REXO5: variants seen among roughly 807,000 people sequenced by gnomAD.
The protein encoded by REXO5 is exonuclease NEF-sp.
In REXO5, 48 loss-of-function variants were observed where a neutral mutation model predicts 88.5. The ratio of observed to expected loss-of-function variants is 0.54; its 90% CI spans 0.43 to 0.69. REXO5 has a LOEUF of 0.69. REXO5 is among the 30% of genes least tolerant of loss of function. The probability of loss-of-function intolerance (pLI) is 0.00; values close to 1 mark genes in which losing one functional copy is unlikely to be tolerated. For synonymous variants in REXO5, 311 were observed against 336.5 expected (o/e 0.92, Z 0.83); for missense variants, 749 against 912.2 (o/e 0.82, Z 2.30).
At chr16:20,839,260 T>A (rs1349389625) in intron 13 of REXO5, among the ~76,000 whole-genome samples, 2 of 152,238 alleles carry the variant, frequency 1.3e-5, no homozygotes, top group Non-Finnish European at 2.9e-5. Context: ...TTGCTTGTAG[T>A]CAAGTGCTGA....
chr16:20,849,664 T>C lies in REXO5; in HGVS notation c.*184T>C, dbSNP rs1596622491. The C allele has an allele frequency of 5.0e-6, 3 of 600,364 alleles. No homozygotes were observed. The highest frequency in any genetic ancestry group is 2.0e-5 in the South Asian group (1 of 50,708). 37.2% of individuals were successfully genotyped at this position (600,364 alleles called of 1,614,324 possible). On this transcript the variant is annotated 3_prime_UTR_variant, in exon 20 of 20. Coordinates refer to ENST00000261377, the MANE Select transcript of REXO5 (RefSeq NM_030941.3). ...TCAATAAATGCCTAAAGTTCAAGCA[T>C]AGTATGGGGATGTCCACAGATTGTT...
chr16:20,816,144 A>G lies in REXO5; in HGVS notation c.407A>G (p.Asp136Gly). The change falls in exon 5 of 20, where the codon GAT becomes GGT. Residue 136 changes from aspartate to glycine, a missense_variant. Transcript: ENST00000261377. ...TTCCGCTTGCCTCCACCATCATCTG[A>G]TTTTCTAGCTGATGTTGTTGGGCTA... ...HKFRLPPPSS[D>G]FLADVVGLQT... 6.2e-7 allele frequency: 1 copy of G among 1,613,946 alleles called. No individual in the cohort carries two copies. Among genetic ancestry groups the G allele is most frequent in the Admixed American group, 1.7e-5 (1 of 60,000 alleles).
At chr16:20,844,241 G>A (rs958478590) in intron 16 of REXO5, among the ~76,000 whole-genome samples, 7 of 152,228 alleles carry the variant, frequency 4.6e-5, no homozygotes, top group Middle Eastern at 3.4e-3. Flanking sequence ...GCTAGATTTG[G>A]GTCTTCCTTG....
At chr16:20,820,540 ATATATTTTTTTTTTTTTTTTTTTTT>A (rs2081165475) in intron 5 of REXO5, among the ~76,000 whole-genome samples, 2 of 10,222 alleles carry the variant, frequency 2.0e-4, no homozygotes, top group South Asian at 0.014. Context: ...ATATATATAT[ATATATTTTTTTTTTTTTTTTTTTTT>A]TTTTTTTTTT....
chr16:20,807,401 A>C (rs1319060275), intron 2 of REXO5: 1 of 308,194 alleles, frequency 3.2e-6, no homozygotes, highest in Non-Finnish European at 6.2e-6. Flanking sequence ...ACATGGAGAA[A>C]TCCCCGTCTC....
chr16:20,832,348 T>C (rs909708579), intron 12 of REXO5, 89 bp downstream of exon 12: 2 of 821,380 alleles, frequency 2.4e-6, no homozygotes, highest in Admixed American at 3.2e-5. Context: ...TTATCCTCTT[T>C]TGAGTCTATT....
intron 7 of REXO5, 36 bp downstream of exon 7, chr16:20,824,563 G>C: frequency 8.1e-7 from 1 of 1,233,668 alleles, no homozygotes; most frequent in Non-Finnish European, 1.2e-6. Flanking sequence ...TTGGAGTGTT[G>C]CAAGCTGAGG....
Position 20,815,025 on chromosome 16 carries a change from T to G in REXO5, c.350T>G (p.Phe117Cys). The change falls in exon 4 of 20, where the codon TTT becomes TGT. Residue 117 changes from phenylalanine to cysteine, a missense_variant. Physicochemically the swap from Phe to Cys is radical, Grantham distance 205. Coordinates refer to ENST00000261377, the MANE Select transcript of REXO5 (RefSeq NM_030941.3). ...QLHFYRFYLE[F>C]GCLRKAFRHK... is the part of the protein sequence containing the mutation. ...CACTTTTACAGGTTCTATTTGGAGT[T>G]TGGATGTCTTCGAAAAGCATTCAGA... The G allele has an allele frequency of 6.2e-7, 1 of 1,613,390 alleles. No individual in the cohort carries two copies. Among genetic ancestry groups the G allele is most frequent in the Non-Finnish European group, 8.5e-7 (1 of 1,179,890 alleles).
chr16:20,810,036 T>C (rs2080972403), intron 2 of REXO5, among the ~76,000 whole-genome samples: 1 of 152,252 alleles, frequency 6.6e-6, no homozygotes. Context: ...CCTTTTGACA[T>C]GACAACATCA....
intron 2 of REXO5, among the ~76,000 whole-genome samples, chr16:20,808,156 C>G (rs902146077): frequency 2.0e-5 from 3 of 152,214 alleles, no homozygotes; most frequent in African/African-American, 7.2e-5. Flanking sequence ...ACCATCCCCC[C>G]AGCCCTTCTC....
rs919927351 is a variant in REXO5, at chr16:20,844,948, A to G, written c.1936+103A>G. The G allele has an allele frequency of 4.4e-5, 68 of 1,529,438 alleles. 1 individual carries two copies. In the Middle Eastern group the frequency reaches 6.3e-4, roughly 14 times the overall value. The allele number at this position is 1,529,438 out of a possible 1,614,324, so 94.7% of individuals were successfully genotyped here. On this transcript the variant is annotated intron_variant, in intron 17 of 19. Coordinates refer to ENST00000261377, the MANE Select transcript of REXO5 (RefSeq NM_030941.3). ...TTCACCTCCTGGGCTGGACCAGGGCAGCAGTTCCTGATTCTGTCCTTCTCC... is the reference window on the plus strand; with the variant it reads ...TTCACCTCCTGGGCTGGACCAGGGCGGCAGTTCCTGATTCTGTCCTTCTCC...
chr16:20,844,771 T>C lies in REXO5; in HGVS notation c.1862T>C (p.Leu621Pro). Reference protein sequence around the residue: ...FKEQLLQEPRLFLGLEAVILP... With the variant: ...FKEQLLQEPRPFLGLEAVILP... ...GAACAGCTATTGCAGGAGCCCCGCCTCTTTCTTGGCCTGGAAGCTGTGATC... is the reference window on the plus strand; with the variant it reads ...GAACAGCTATTGCAGGAGCCCCGCCCCTTTCTTGGCCTGGAAGCTGTGATC... Residue 621 changes from leucine to proline, a missense_variant, in exon 17 of 20, where the codon CTC (leucine) becomes CCC (proline). Coordinates refer to ENST00000261377, the MANE Select transcript of REXO5 (RefSeq NM_030941.3). The C allele has an allele frequency of 2.5e-6, 4 of 1,614,206 alleles. No individual in the cohort carries two copies. The South Asian group carries it at 4.4e-5, about 18-fold the overall frequency.
Position 20,813,171 on chromosome 16 carries a change from C to T in REXO5, c.139-19C>T. 1 of 1,514,408 alleles carries T rather than the reference C, an allele frequency of 6.6e-7. No individual in the cohort carries two copies. Among genetic ancestry groups the T allele is most frequent in the Non-Finnish European group, 9.2e-7 (1 of 1,089,368 alleles). The allele number at this position is 1,514,408 out of a possible 1,614,324, so 93.8% of individuals were successfully genotyped here. A position where few individuals can be genotyped will look rare whatever the true frequency, so the allele number is the denominator to read the frequency against. ...TGATAACCAATAATGGCTTGCTACGCCCTGATTAATCTTTGCAGAAAGCCC... is the reference window on the plus strand; with the variant it reads ...TGATAACCAATAATGGCTTGCTACGTCCTGATTAATCTTTGCAGAAAGCCC... On this transcript the variant is annotated intron_variant, in intron 2 of 19. Transcript: ENST00000261377.
chr16:20,820,623 G>C (rs1202796149), intron 5 of REXO5, among the ~76,000 whole-genome samples: 2 of 121,662 alleles, frequency 1.6e-5, no homozygotes, highest in African/African-American at 6.4e-5. Flanking sequence ...GAGTGCAGTG[G>C]CACAATCTCT....
intron 15 of REXO5, 130 bp downstream of exon 15, chr16:20,840,598 T>C: frequency 1.4e-6 from 1 of 715,592 alleles, no homozygotes; most frequent in East Asian, 2.6e-5. Context: ...TGAGACATAC[T>C]CTAATGAGAG....
At chr16:20,809,504 T>G (rs1013356040) in intron 2 of REXO5, among the ~76,000 whole-genome samples, 2 of 152,260 alleles carry the variant, frequency 1.3e-5, no homozygotes, top group Non-Finnish European at 2.9e-5. Context: ...TGAATAATCC[T>G]GGGCCAATTA....
Position 20,844,601 on chromosome 16 carries a change from A to G in REXO5, c.1720-28A>G, listed in dbSNP as rs767318931. 6.2e-6 allele frequency: 10 copies of G among 1,602,342 alleles called. No homozygotes were observed. The South Asian group carries it at 1.1e-4, about 18-fold the overall frequency. On this transcript the variant is annotated intron_variant, in intron 16 of 19. Coordinates refer to ENST00000261377, the MANE Select transcript of REXO5 (RefSeq NM_030941.3). ...GGCCTGAGGATTAAATTGATTTTCT[A>G]CCACTAACACCAACTTTCCTTGGTT...
In REXO5 at chr16:20,828,471, T is replaced by A. The variant is rs367926040; in HGVS notation, c.1092T>A (p.Asp364Glu). Residue 364 changes from aspartate to glutamate, a missense_variant, in exon 11 of 20, where the codon GAT (aspartate) becomes GAA (glutamate). By Grantham distance (45) the Asp-to-Glu change is conservative. Coordinates refer to ENST00000261377, the MANE Select transcript of REXO5 (RefSeq NM_030941.3). ...AGTGTCCAGACAGACTTGGTCATGA[T>A]GCCACAGAAGATGCTAGAACAATCC... The part of the protein sequence containing the change: ...DIQCPDRLGH[D>E]ATEDARTILE... 6.2e-7 allele frequency: 1 copy of A among 1,613,992 alleles called. No individual in the cohort carries two copies. The highest frequency in any genetic ancestry group is 8.5e-7 in the Non-Finnish European group (1 of 1,179,864).
At chr16:20,810,148 C>T (rs1224274614) in intron 2 of REXO5, among the ~76,000 whole-genome samples, 1 of 152,140 alleles carries the variant, frequency 6.6e-6, no homozygotes, top group Non-Finnish European at 1.5e-5. Flanking sequence ...CTTAGGGTAC[C>T]TGGTTCTTTT....
Sources: gnomAD v4.1 joint callset for allele counts (sites outside exome capture counted in the v4.1 genomes callset) on GRCh38, gnomAD v4.1.1 for gene constraint, MANE v1.5 for transcripts, NCBI Gene and HGNC (gene_info 2026-07-23, HGNC 2026-07-21) for gene names.